Variants in AZIN2 observed in about 807,000 individuals in gnomAD.
The protein encoded by AZIN2 is ODC antizyme inhibitor-2.
AZIN2 carries 28 observed loss-of-function variants against 47.8 expected under a neutral mutation model. The observed-to-expected ratio is 0.59, with a 90% CI of 0.43 to 0.80. The LOEUF (loss-of-function observed/expected upper bound fraction) is 0.80, where lower values mean the gene tolerates loss of function less well. Ranked by LOEUF, AZIN2 falls within the 30% of genes least tolerant of loss-of-function variation. AZIN2 has a pLI of 0.00. For missense variants in AZIN2, 535 were observed against 582.5 expected, an observed-to-expected ratio of 0.92 and a Z score of 0.84; for synonymous variants, 221 against 239.4, an observed-to-expected ratio of 0.92 and a Z score of 0.71.
At chr1:33,133,655 C>A in the AZIN2 span, among the ~76,000 whole-genome samples, 5 of 152,308 alleles carry the variant, frequency 3.3e-5, no homozygotes, top group South Asian at 1.0e-3. Context: ...AAGCCACCCA[C>A]GTCTGGCCAA....
chr1:33,082,424 C>A (rs1257969272), intron 4 of AZIN2, 70 bp downstream of exon 4: 6 of 1,094,374 alleles, frequency 5.5e-6, no homozygotes, highest in African/African-American at 1.6e-5. Flanking sequence ...AGGAAGGGTC[C>A]CTAGGGCCCT....
chr1:33,124,151 G>T, downstream of AZIN2, among the ~76,000 whole-genome samples: 1 of 152,066 alleles, frequency 6.6e-6, no homozygotes, highest in Non-Finnish European at 1.5e-5. The surrounding 1 kb of genome is among the most constrained non-coding windows in gnomAD (Gnocchi z 4.6). Context: ...AGGCGACAGG[G>T]CAAGACTCCA....
rs1454312741 is a variant in AZIN2 at position 33,092,211 on chromosome 1, C to T, written c.441C>T (p.His147=). 6.2e-7 allele frequency: 1 copy of T among 1,613,830 alleles called. No individual in the cohort carries two copies. The highest frequency in any genetic ancestry group is 8.5e-7 in the Non-Finnish European group (1 of 1,179,902). ...AGCTGGCAAAGGTGGTAAAGAGCCA[C>T]CCCAGTGCCAAGTAAGCTGAGAACC... ...EMELAKVVKS[H]PSAKMVLCIA... Residue 147 remains histidine, a synonymous_variant, in exon 6 of 12, where the codon CAC becomes CAT. Coordinates refer to ENST00000294517, the MANE Select transcript of AZIN2 (RefSeq NM_052998.4).
the AZIN2 span, chr1:33,147,012 G>C: frequency 1.3e-5 from 9 of 667,184 alleles, no homozygotes; most frequent in Middle Eastern, 3.9e-4. The surrounding 1 kb of genome is among the most constrained non-coding windows in gnomAD (Gnocchi z 8.1). Flanking sequence ...AGTTTAGGAA[G>C]TAGGGAATGC....
At chr1:33,116,347 ACTTTT>A (rs1285010512) in intron 10 of AZIN2, among the ~76,000 whole-genome samples, 1 of 152,154 alleles carries the variant, frequency 6.6e-6, no homozygotes, top group African/African-American at 2.4e-5. Flanking sequence ...GGAAACTGCG[ACTTTT>A]CTTTCTCAAT....
the AZIN2 span, chr1:33,160,031 C>A: frequency 6.5e-7 from 1 of 1,535,862 alleles, no homozygotes. Context: ...AGCCTTGACA[C>A]ACAGAGAGGA....
At chr1:33,116,077 CCTTT>C (rs1415237520) in intron 10 of AZIN2, among the ~76,000 whole-genome samples, 1 of 152,118 alleles carries the variant, frequency 6.6e-6, no homozygotes, top group Non-Finnish European at 1.5e-5. Flanking sequence ...ATACAGTATT[CCTTT>C]GTCTCCCCTT....
chr1:33,096,575 C>G, intron 8 of AZIN2, 132 bp from the exon 9 acceptor site: 1 of 1,151,210 alleles, frequency 8.7e-7, no homozygotes, highest in South Asian at 1.4e-5. Flanking sequence ...CAGCTGGGGC[C>G]TTAGCAGCTG....
Position 33,093,352 on chromosome 1 carries a change from C to T in AZIN2, c.523C>T (p.Leu175=), listed in dbSNP as rs1443608686. The T allele has an allele frequency of 6.2e-7, 1 of 1,614,012 alleles. No homozygotes were observed. Among genetic ancestry groups the T allele is most frequent in the African/African-American group, 1.3e-5 (1 of 74,918 alleles). ...CCTGAGCCTAAAGTTTGGAGTGTCA[C>T]TGAAATCCTGCAGACACCTGCTTGA... ...SCLSLKFGVS[L]KSCRHLLENA... is the part of the protein sequence containing the mutation. The change falls in exon 7 of 12, where the codon CTG becomes TTG. Residue 175 remains leucine (L), a synonymous_variant. Coordinates refer to ENST00000294517, the MANE Select transcript of AZIN2 (RefSeq NM_052998.4).
the AZIN2 span, chr1:33,159,994 A>C: frequency 6.3e-6 from 10 of 1,579,456 alleles, no homozygotes; most frequent in African/African-American, 1.3e-5. This position sits in a 1 kb window ranked among gnomAD's most constrained non-coding sequence, Gnocchi z 4.2. Flanking sequence ...AGATGGGGTG[A>C]TCTCTGGGTG....
rs941454897 is a variant in AZIN2 at position 33,120,917 on chromosome 1, A to G, written c.*735A>G. 6.6e-6 allele frequency among the ~76,000 whole-genome samples: 1 copy of G among 152,160 alleles called. No homozygotes were observed. The highest frequency in any genetic ancestry group is 1.5e-5 in the Non-Finnish European group (1 of 68,020). On this transcript the variant is annotated 3_prime_UTR_variant, in exon 12 of 12. Coordinates refer to ENST00000294517, the MANE Select transcript of AZIN2 (RefSeq NM_052998.4). ...TGGGTGTGTGGGAGGTTTTGAGTGGACCCTGCACCCTTGCTCTCCCTGCAG... is the reference window on the plus strand; with the variant it reads ...TGGGTGTGTGGGAGGTTTTGAGTGGGCCCTGCACCCTTGCTCTCCCTGCAG...
At chr1:33,155,982 T>C in the AZIN2 span, among the ~76,000 whole-genome samples, 1 of 152,194 alleles carries the variant, frequency 6.6e-6, no homozygotes, top group African/African-American at 2.4e-5. Context: ...GGTGAAGCCA[T>C]CAGAAGAGAA....
Position 33,123,109 on chromosome 1 carries a change from T to A in AZIN2, c.*2927T>A, listed in dbSNP as rs1474076291. Among the ~76,000 whole-genome samples, 1 of 152,218 alleles carries A rather than the reference T, an allele frequency of 6.6e-6. No individual in the cohort carries two copies. Among genetic ancestry groups the A allele is most frequent in the Non-Finnish European group, 1.5e-5 (1 of 68,034 alleles). On this transcript the variant is annotated 3_prime_UTR_variant, in exon 12 of 12. Coordinates refer to ENST00000294517, the MANE Select transcript of AZIN2 (RefSeq NM_052998.4). ...TTACTGTCCCCTCTCTAGAATGATC[T>A]TCCTGGGTTATCTGTGGGCCTCACT...
intron 10 of AZIN2, among the ~76,000 whole-genome samples, chr1:33,098,426 T>C (rs1275423700): frequency 6.6e-6 from 1 of 152,206 alleles, no homozygotes; most frequent in Non-Finnish European, 1.5e-5. Context: ...TCCATTTATA[T>C]GGGGTGTAGC....
chr1:33,084,257 C>G, intron 5 of AZIN2, 130 bp downstream of exon 5: 1 of 1,034,296 alleles, frequency 9.7e-7, no homozygotes, highest in South Asian at 1.5e-5. Flanking sequence ...GAAGACCACC[C>G]ACTCAGGAGG....
chr1:33,141,942 A>C, the AZIN2 span: 1 of 153,352 alleles, frequency 6.5e-6, no homozygotes, highest in South Asian at 2.1e-4. Context: ...TTCAAAATAA[A>C]AGTACTTCCC....
intron 10 of AZIN2, among the ~76,000 whole-genome samples, chr1:33,110,892 C>G (rs1644255763): frequency 6.6e-6 from 1 of 152,200 alleles, no homozygotes; most frequent in African/African-American, 2.4e-5. Context: ...AATCAGCTAC[C>G]ACCCCTGGTC....
chr1:33,090,437 G>A (rs1269384202), intron 5 of AZIN2, among the ~76,000 whole-genome samples: 1 of 152,134 alleles, frequency 6.6e-6, no homozygotes. Flanking sequence ...GCCCCAAGAG[G>A]AGCAGGGCTG....
chr1:33,115,046 A>G (rs1644475369), intron 10 of AZIN2, among the ~76,000 whole-genome samples: 1 of 152,180 alleles, frequency 6.6e-6, no homozygotes, highest in Admixed American at 6.5e-5. Context: ...TCTGTCAGAC[A>G]TATGTGCCTT....
Sources: allele counts gnomAD v4.1 joint callset (sites outside exome capture counted in the v4.1 genomes callset), GRCh38; gene constraint gnomAD v4.1.1; non-coding constraint Gnocchi (gnomAD v3.1); transcripts MANE v1.5; gene names NCBI Gene and HGNC (gene_info 2026-07-23, HGNC 2026-07-21).